ITFG2: variants seen among roughly 807,000 people sequenced by gnomAD.
ITFG2 encodes the protein integrin alpha FG-GAP repeat containing 2.
Under a neutral mutation model 54.4 loss-of-function variants are expected in ITFG2, and 36 were observed. The observed-to-expected ratio is 0.66, with a 90% confidence interval of 0.51 to 0.87. The LOEUF is 0.87. Ranked by LOEUF, ITFG2 falls within the 40% of genes least tolerant of loss-of-function variation. The probability of loss-of-function intolerance (pLI) is 0.00; values close to 1 mark genes in which losing one functional copy is unlikely to be tolerated. For synonymous variants in ITFG2, 211 were observed against 225.4 expected (o/e 0.94, Z 0.57); for missense variants, 524 against 576.7 (o/e 0.91, Z 0.94).
rs1195576911 is a variant in ITFG2, at chr12:2,830,818, G to C, written c.*60-16G>C. 6 of 1,613,504 alleles carry C rather than the reference G, an allele frequency of 3.7e-6. No individual in the cohort carries two copies. The Admixed American group carries it at 8.3e-5, about 22-fold the overall frequency. Reference sequence around the variant, plus strand: ...GGAGGCTCCCCCTGAAGCCAATTCGGGTTTCCCTCCACCAGGCGTCTTTGG... The same window carrying C: ...GGAGGCTCCCCCTGAAGCCAATTCGCGTTTCCCTCCACCAGGCGTCTTTGG... On this transcript the variant is annotated splice_polypyrimidine_tract_variant and intron_variant and NMD_transcript_variant, in intron 2 of 2. Transcript: ENST00000538822.
chr12:2,832,898 GC>G (rs1172606223), upstream of ITFG2, among the ~76,000 whole-genome samples: 3 of 151,632 alleles, frequency 2.0e-5, no homozygotes, highest in African/African-American at 7.3e-5. Context: ...CAGCAAGGCT[GC>G]CAGCAGTAGA....
intron 1 of ITFG2, among the ~76,000 whole-genome samples, chr12:2,816,642 T>A (rs894488064): frequency 6.8e-6 from 1 of 147,252 alleles, no homozygotes; most frequent in Non-Finnish European, 1.5e-5. Flanking sequence ...TTTTCTTTTT[T>A]TTTTTTTTTT....
At position 2,820,079 on chromosome 12, in the gene ITFG2, C is replaced by G. The variant is rs563385979; in HGVS notation, c.407-7C>G. On this transcript the variant is annotated splice_region_variant and splice_polypyrimidine_tract_variant and intron_variant, in intron 4 of 11. Transcript: ENST00000228799. Reference sequence around the variant, plus strand: ...TCCAGAGCCCATCTTGTCTTTCATGCCCACAGATGGAGATGGGTGTCGTGA... The same window carrying G: ...TCCAGAGCCCATCTTGTCTTTCATGGCCACAGATGGAGATGGGTGTCGTGA... 6.2e-7 allele frequency: 1 copy of G among 1,600,484 alleles called. No individual in the cohort carries two copies. Among genetic ancestry groups the G allele is most frequent in the Middle Eastern group, 1.7e-4 (1 of 5,972 alleles).
downstream of ITFG2, chr12:2,827,667 ACT>A (rs1565425240): frequency 6.2e-7 from 1 of 1,613,888 alleles, no homozygotes; most frequent in Non-Finnish European, 8.5e-7. This position sits in a 1 kb window ranked among gnomAD's most constrained non-coding sequence, Gnocchi z 4.0. Context: ...AGAATTCAGG[ACT>A]CTCAGCATCT....
chr12:2,858,365 C>A (rs1246544201), intron 3 of ITFG2: 8 of 432,022 alleles, frequency 1.9e-5, no homozygotes, highest in Non-Finnish European at 3.3e-5. Context: ...TGGAAACAGG[C>A]TGGGGGGTTC....
Position 2,824,239 on chromosome 12 carries a change from C to G in ITFG2, c.*46C>G, listed in dbSNP as rs1488847546. ...GTGAAGGATTCTTCTGAACCCCCAC[C>G]CTACCCCCTAAAGGTATCTGTGGTA... On this transcript the variant is annotated 3_prime_UTR_variant, in exon 12 of 12. Coordinates refer to ENST00000228799, the MANE Select transcript of ITFG2 (RefSeq NM_018463.4). 5 of 1,560,464 alleles carry G rather than the reference C, an allele frequency of 3.2e-6. No individual in the cohort carries two copies. The highest frequency in any genetic ancestry group is 4.4e-6 in the Non-Finnish European group (5 of 1,131,624).
chr12:2,829,679 A>G (rs2097990035), downstream of ITFG2, among the ~76,000 whole-genome samples: 1 of 152,144 alleles, frequency 6.6e-6, no homozygotes, highest in Non-Finnish European at 1.5e-5. Flanking sequence ...AGGTGGGAGG[A>G]TCGCTTGAGT....
chr12:2,853,492 C>G (rs571259105), intron 2 of ITFG2, among the ~76,000 whole-genome samples: 18 of 152,148 alleles, frequency 1.2e-4, no homozygotes, highest in African/African-American at 3.4e-4. Context: ...AGGCTGGTCT[C>G]GAACTCCTGA....
At chr12:2,832,276 C>T (rs1476497559), upstream of ITFG2, among the ~76,000 whole-genome samples, 1 of 152,066 alleles carries the variant, frequency 6.6e-6, no homozygotes, top group Non-Finnish European at 1.5e-5. Flanking sequence ...GCATTGCTTT[C>T]ATGATAGAGC....
intron 9 of ITFG2, among the ~76,000 whole-genome samples, chr12:2,822,322 TC>T (rs1331334963): frequency 1.6e-4 from 24 of 152,300 alleles, no homozygotes; most frequent in African/African-American, 5.5e-4. Context: ...GTCTGTCATT[TC>T]CATAACTTCA....
chr12:2,849,344 C>G, intron 2 of ITFG2: 1 of 1,536,108 alleles, frequency 6.5e-7, no homozygotes, highest in Non-Finnish European at 8.7e-7. Context: ...GTTTGGAAAT[C>G]CCTTATGAGG....
chr12:2,845,131 A>G lies in ITFG2; in HGVS notation n.300+4136A>G, dbSNP rs1312776924. On this transcript the variant is annotated intron_variant and non_coding_transcript_variant, in intron 2 of 3. Coordinates refer to the ITFG2 transcript ENST00000537710. The surrounding 1 kb of genome is among the most constrained non-coding windows in gnomAD (Gnocchi z 4.2). ...ATGTGTGCGGCTCGGTGGCAGCACA[A>G]CTAAGGACAGGGCTCAGTGATGGAA... Among the ~76,000 whole-genome samples, 1 of 152,126 alleles carries G rather than the reference A, an allele frequency of 6.6e-6. No individual in the cohort carries two copies. Among genetic ancestry groups the G allele is most frequent in the East Asian group, 1.9e-4 (1 of 5,186 alleles).
chr12:2,834,629 G>C (rs371288932), upstream of ITFG2: 4 of 1,570,094 alleles, frequency 2.5e-6, no homozygotes, highest in African/African-American at 5.4e-5. Flanking sequence ...GCAGGGGAGG[G>C]GTGATGCCTC....
intron 9 of ITFG2, 29 bp from the exon 10 acceptor site, chr12:2,822,765 A>T (rs762202878): frequency 6.3e-7 from 1 of 1,585,566 alleles, no homozygotes; most frequent in Non-Finnish European, 8.7e-7. Context: ...CAGCTCCTTT[A>T]TGTTCCTTTT....
intron 1 of ITFG2, among the ~76,000 whole-genome samples, chr12:2,813,713 C>T (rs1280766847): frequency 5.9e-5 from 9 of 152,236 alleles, no homozygotes; most frequent in South Asian, 2.1e-4. Flanking sequence ...CCCTATCTTC[C>T]TACTCGGCCT....
At chr12:2,859,775 T>A in exon 4 of ITFG2, 1 of 759,652 alleles carries the variant, frequency 1.3e-6, no homozygotes, top group Non-Finnish European at 2.1e-6. Flanking sequence ...TAAAATCTAT[T>A]AAATATGAGA....
At chr12:2,819,870 T>C in intron 4 of ITFG2, 1 of 437,312 alleles carries the variant, frequency 2.3e-6, no homozygotes, top group African/African-American at 2.0e-5. Flanking sequence ...AGAAGTAATA[T>C]GAAGGCAGAG....
At chr12:2,834,970 AAAAT>A, upstream of ITFG2, 2 of 1,583,330 alleles carry the variant, frequency 1.3e-6, no homozygotes, top group South Asian at 1.1e-5. Flanking sequence ...GGAAAGAGGA[AAAAT>A]AAATAACATG....
Position 2,830,689 on chromosome 12 carries a change from TC to T in ITFG2, c.*60-142del, listed in dbSNP as rs745853963. 24 of 1,599,162 alleles carry T rather than the reference TC, an allele frequency of 1.5e-5. No homozygotes were observed. The South Asian group carries it at 2.4e-4, about 16-fold the overall frequency. On this transcript the variant is annotated intron_variant and NMD_transcript_variant, in intron 2 of 2. Transcript: ENST00000538822. Reference sequence around the variant, plus strand: ...AGGCAGGGTTGTTAATGAAAGTGTGTCCCTGGGAGGCCTCTCACCTTGCAGT... The same window carrying T: ...AGGCAGGGTTGTTAATGAAAGTGTGTCCTGGGAGGCCTCTCACCTTGCAGT...
Sources: allele counts gnomAD v4.1 joint callset (sites outside exome capture counted in the v4.1 genomes callset), GRCh38; gene constraint gnomAD v4.1.1; non-coding constraint Gnocchi (gnomAD v3.1); transcripts MANE v1.5; gene names NCBI Gene and HGNC (gene_info 2026-07-23, HGNC 2026-07-21).